TCP11: variants seen among roughly 807,000 people sequenced by gnomAD.
The protein encoded by TCP11 is t-complex 11, also known as T-complex protein 11 homolog.
TCP11 carries 34 observed loss-of-function variants against 45.0 expected under a neutral mutation model. That is an observed-to-expected ratio of 0.76 (90% CI 0.57 to 1.01). TCP11 has a LOEUF of 1.01. Among genes scored for constraint, TCP11 ranks in the 50% least tolerant of loss-of-function variants. The pLI is 0.00. For missense variants in TCP11, 523 were observed against 598.1 expected, an observed-to-expected ratio of 0.87 and a Z score of 1.31; for synonymous variants, 227 against 227.0, an observed-to-expected ratio of 1.00 and a Z score of 0.00.
At chr6:35,126,629 A>G (rs1022369050) in intron 4 of TCP11, among the ~76,000 whole-genome samples, 7 of 150,586 alleles carry the variant, frequency 4.6e-5, no homozygotes, top group Admixed American at 1.3e-4. Flanking sequence ...ACAGGATGCA[A>G]TATATGCTTT....
chr6:35,119,378 T>C lies in TCP11; in HGVS notation c.1129A>G (p.Ile377Val), dbSNP rs1437319258. 6.2e-7 allele frequency: 1 copy of C among 1,614,182 alleles called. No individual in the cohort carries two copies. Among genetic ancestry groups the C allele is most frequent in the Admixed American group, 1.7e-5 (1 of 60,028 alleles). The change falls in exon 9 of 10, where the codon ATA becomes GTA. Residue 377 changes from isoleucine (I) to valine (V), a missense_variant. Transcript: ENST00000311875. The stretch of plus-strand genomic sequence containing the variant: ...GATACCTGTTCACTCACAGTCAGTA[T>C]AGCTTCCTCAGGCCTAGACCATGAA... ...EDFHSRPEEA[I>V]LTVSEQVSQE... is the part of the protein sequence containing the mutation.
At position 35,139,958 on chromosome 6, in the gene TCP11, A is replaced by C. The variant is rs188535829; in HGVS notation, c.124+789T>G. 3.7e-4 allele frequency: 581 copies of C among 1,560,854 alleles called. 2 individuals are homozygous for C. The highest frequency in any genetic ancestry group is 1.0e-4 in the Non-Finnish European group (117 of 1,137,202). On this transcript the variant is annotated intron_variant, in intron 2 of 9. Coordinates refer to ENST00000311875, the MANE Select transcript of TCP11 (RefSeq NM_001370687.1). ...TGAGAGTTGTTTTATATATGGACTC[A>C]TTTAAATAGACACCTCAAAAACTTA...
At chr6:35,138,038 T>C (rs575254332) in intron 2 of TCP11, among the ~76,000 whole-genome samples, 2 of 152,312 alleles carry the variant, frequency 1.3e-5, no homozygotes, top group East Asian at 3.9e-4. Flanking sequence ...GTCATGACTT[T>C]GTATCTCACC....
chr6:35,119,265 G>A lies in TCP11; in HGVS notation c.1242C>T (p.Asn414=), dbSNP rs1778965934. The A allele has an allele frequency of 1.2e-6, 2 of 1,614,100 alleles. No homozygotes were observed. Among genetic ancestry groups the A allele is most frequent in the African/African-American group, 2.7e-5 (2 of 74,938 alleles). The change falls in exon 9 of 10, where the codon AAC becomes AAT. Residue 414 remains asparagine (N), a synonymous_variant. Transcript: ENST00000311875. ...NTASLMGQLQ[N]IAKKENCVCS... ...AGACACAGTTCTCCTTCTTGGCAAT[G>A]TTCTGGAGCTGTCCCATTAGAGATG...
chr6:35,136,175 G>A lies in TCP11; in HGVS notation c.168C>T (p.Ser56=), dbSNP rs1316920015. The change falls in exon 3 of 10, where the codon TCC becomes TCT. Residue 56 remains serine, a synonymous_variant. Transcript: ENST00000311875. ...TGLTETVNEV[S]KLSNKIGMNC... is the part of the protein sequence containing the mutation. ...TCATCCCAATCTTGTTGCTCAGCTT[G>A]GAAACTTCATTAACGGTTTCTGTCA... 1 of 1,613,404 alleles carries A rather than the reference G, an allele frequency of 6.2e-7. No homozygotes were observed. The highest frequency in any genetic ancestry group is 1.7e-5 in the Admixed American group (1 of 59,942).
At chr6:35,130,955 G>C (rs1015421875) in intron 3 of TCP11, among the ~76,000 whole-genome samples, 6 of 152,144 alleles carry the variant, frequency 3.9e-5, no homozygotes, top group African/African-American at 1.4e-4. Context: ...AAACTTAGAA[G>C]CAACAAAAAT....
At chr6:35,124,241 G>C (rs1779592021) in intron 4 of TCP11, among the ~76,000 whole-genome samples, 1 of 152,180 alleles carries the variant, frequency 6.6e-6, no homozygotes, top group Non-Finnish European at 1.5e-5. Context: ...AGCAAGAGTA[G>C]GCTCTGCAGC....
chr6:35,139,472 T>G (rs1164526538), intron 2 of TCP11, among the ~76,000 whole-genome samples: 1 of 152,198 alleles, frequency 6.6e-6, no homozygotes. Context: ...AGTGGACGCT[T>G]GAGGTTCCCT....
intron 5 of TCP11, among the ~76,000 whole-genome samples, chr6:35,121,499 G>A (rs926998664): frequency 4.0e-5 from 6 of 150,992 alleles, no homozygotes; most frequent in South Asian, 2.1e-4. Flanking sequence ...TGTGTGAACC[G>A]AAAGAAGAGA....
chr6:35,123,521 GT>G (rs1322059657), intron 4 of TCP11, among the ~76,000 whole-genome samples: 2 of 151,924 alleles, frequency 1.3e-5, no homozygotes, highest in African/African-American at 4.8e-5. Flanking sequence ...GTTTCAATCT[GT>G]TGCTCAGGCT....
At position 35,118,242 on chromosome 6, in the gene TCP11, A is replaced by G. The variant is rs771267068; in HGVS notation, c.*27T>C. ...GATGATGGGCCTCCTCTTGGGTCCAAGGTACCAGGGCTCTGAGCCGACGCT... is the reference window on the plus strand; with the variant it reads ...GATGATGGGCCTCCTCTTGGGTCCAGGGTACCAGGGCTCTGAGCCGACGCT... On this transcript the variant is annotated 3_prime_UTR_variant, in exon 10 of 10. Coordinates refer to ENST00000311875, the MANE Select transcript of TCP11 (RefSeq NM_001370687.1). 5.9e-5 allele frequency: 94 copies of G among 1,596,514 alleles called. No individual in the cohort carries two copies. Among genetic ancestry groups the G allele is most frequent in the Admixed American group, 3.3e-5 (2 of 59,866 alleles).
chr6:35,124,689 A>G (rs1188181784), intron 4 of TCP11, among the ~76,000 whole-genome samples: 1 of 152,190 alleles, frequency 6.6e-6, no homozygotes, highest in Non-Finnish European at 1.5e-5. Context: ...TAAAACCTGG[A>G]TATATAAGGT....
Position 35,137,703 on chromosome 6 carries a change from G to T in TCP11, c.125-1485C>A, listed in dbSNP as rs568741146. The T allele has an allele frequency of 1.4e-5, 6 of 441,518 alleles. No individual in the cohort carries two copies. The Admixed American group carries it at 1.5e-4, about 11-fold the overall frequency. The allele number at this position is 441,518 out of a possible 1,614,324, so 27.4% of individuals were successfully genotyped here. Reference sequence around the variant, plus strand: ...ATATGGTAGTTACAATGATTACGTGGTGTATAAAATGCAGCCGTATACAAT... The same window carrying T: ...ATATGGTAGTTACAATGATTACGTGTTGTATAAAATGCAGCCGTATACAAT... On this transcript the variant is annotated intron_variant, in intron 2 of 9. Coordinates refer to ENST00000311875, the MANE Select transcript of TCP11 (RefSeq NM_001370687.1).
At chr6:35,137,734 ATATTTTATCACTC>A (rs749763463) in intron 2 of TCP11, 66 of 453,682 alleles carry the variant, frequency 1.5e-4, no homozygotes, top group Non-Finnish European at 2.7e-4. Flanking sequence ...ACAATAAATC[ATATTTTATCACTC>A]TCTTTTGATG....
chr6:35,140,798 T>G lies in TCP11; in HGVS notation c.73A>C (p.Thr25Pro). 1 of 1,538,244 alleles carries G rather than the reference T, an allele frequency of 6.5e-7. No individual in the cohort carries two copies. Among genetic ancestry groups the G allele is most frequent in the South Asian group, 1.3e-5 (1 of 76,424 alleles). ...DSEGRSCKPE[T>P]SGPPQEDKSG... is the part of the protein sequence containing the mutation. Reference sequence around the variant, plus strand: ...TTGTCTTCCTGGGGGGGTCCTGAGGTTTCGGGCTTACAGGACCTGCCCTCT... The same window carrying G: ...TTGTCTTCCTGGGGGGGTCCTGAGGGTTCGGGCTTACAGGACCTGCCCTCT... Residue 25 changes from threonine to proline, a missense_variant, in exon 2 of 10, where the codon ACC becomes CCC. Thr to Pro is a conservative substitution (Grantham distance 38, BLOSUM62 -1). Transcript: ENST00000311875.
At chr6:35,125,910 A>G (rs990724639) in intron 4 of TCP11, among the ~76,000 whole-genome samples, 1 of 152,250 alleles carries the variant, frequency 6.6e-6, no homozygotes, top group Non-Finnish European at 1.5e-5. Context: ...GTCCAAAACT[A>G]AAAGGACAAA....
intron 2 of TCP11, chr6:35,140,288 G>A (rs1781575805): frequency 1.5e-6 from 2 of 1,296,428 alleles, no homozygotes; most frequent in South Asian, 1.3e-5. Flanking sequence ...GAAGCGCGGA[G>A]AAGACCTTGT....
chr6:35,141,175 C>T, intron 1 of TCP11, 30 bp downstream of exon 1: 1 of 1,366,060 alleles, frequency 7.3e-7, no homozygotes, highest in Non-Finnish European at 9.4e-7. Context: ...AACGCCGGCC[C>T]AGGCCCGCCT....
chr6:35,119,183 C>G (rs1239482460), intron 9 of TCP11, 45 bp downstream of exon 9: 1 of 1,606,096 alleles, frequency 6.2e-7, no homozygotes, highest in Admixed American at 1.7e-5. Context: ...CGGTTGGGAT[C>G]TATCTCTTCC....
Sources: gnomAD v4.1 joint callset for allele counts (sites outside exome capture counted in the v4.1 genomes callset) on GRCh38, gnomAD v4.1.1 for gene constraint, MANE v1.5 for transcripts, NCBI Gene and HGNC (gene_info 2026-07-23, HGNC 2026-07-21) for gene names.